GRID1: variants seen among roughly 807,000 people sequenced by gnomAD.
GRID1 encodes the protein glutamate ionotropic receptor delta type subunit 1.
GRID1 carries 28 observed loss-of-function variants against 98.0 expected under a neutral mutation model. That is an observed-to-expected ratio of 0.29 (90% CI 0.21 to 0.39). The LOEUF (loss-of-function observed/expected upper bound fraction) is 0.39, where lower values mean the gene tolerates loss of function less well. GRID1 is among the 10% of genes least tolerant of loss of function. The probability of loss-of-function intolerance (pLI) is 1.00; values close to 1 mark genes in which losing one functional copy is unlikely to be tolerated. For missense variants in GRID1, 1,111 were observed against 1,340.5 expected (o/e 0.83, Z 2.67); for synonymous variants, 553 against 538.5 (o/e 1.03, Z -0.37).
At chr10:86,318,267 C>A (rs1269877099) in intron 2 of GRID1, among the ~76,000 whole-genome samples, 1 of 152,206 alleles carries the variant, frequency 6.6e-6, no homozygotes, top group African/African-American at 2.4e-5. Flanking sequence ...CACAGTGGAC[C>A]CCAGAAGTCA....
intron 13 of GRID1, among the ~76,000 whole-genome samples, chr10:85,632,600 G>T (rs1269412344): frequency 6.6e-6 from 1 of 152,136 alleles, no homozygotes; most frequent in Non-Finnish European, 1.5e-5. Flanking sequence ...ATGGAGTCTT[G>T]CTCTGCTGCC....
intron 4 of GRID1, among the ~76,000 whole-genome samples, chr10:86,118,348 G>A (rs1315752000): frequency 6.6e-6 from 1 of 152,038 alleles, no homozygotes; most frequent in Non-Finnish European, 1.5e-5. Flanking sequence ...GGTGGGGGCT[G>A]GCAAGGAATA....
Position 85,839,364 on chromosome 10 carries a change from T to C in GRID1, c.1233+15132A>G, listed in dbSNP as rs112727754. On this transcript the variant is annotated intron_variant, in intron 8 of 15. Coordinates refer to ENST00000327946, the MANE Select transcript of GRID1 (RefSeq NM_017551.3). The stretch of plus-strand genomic sequence containing the variant: ...TCTTCTCATTGCCACATGGCACATA[T>C]TTTACAATTGATCACATAATCCAAA... Among the ~76,000 whole-genome samples the C allele has an allele frequency of 5.7e-3, 870 of 152,304 alleles. 8 individuals are homozygous for C. Among genetic ancestry groups the C allele is most frequent in the African/African-American group, 0.02 (819 of 41,570 alleles).
intron 5 of GRID1, among the ~76,000 whole-genome samples, chr10:85,876,000 G>C (rs1219957081): frequency 2.0e-5 from 3 of 152,122 alleles, no homozygotes; most frequent in African/African-American, 7.2e-5. Flanking sequence ...TGTTTGCTGG[G>C]AAATGCCTTT....
chr10:85,661,777 T>A (rs1381695999), intron 12 of GRID1, among the ~76,000 whole-genome samples: 2 of 152,190 alleles, frequency 1.3e-5, no homozygotes, highest in Admixed American at 6.5e-5. Context: ...GCACAAAATT[T>A]AGCCACAAAC....
intron 5 of GRID1, among the ~76,000 whole-genome samples, chr10:85,889,490 A>C (rs1354679074): frequency 1.3e-5 from 2 of 152,154 alleles, no homozygotes; most frequent in African/African-American, 4.8e-5. Flanking sequence ...CAGGTTCATA[A>C]ATATTGTCTC....
chr10:86,203,609 G>T (rs958185531), intron 3 of GRID1, among the ~76,000 whole-genome samples: 1 of 151,582 alleles, frequency 6.6e-6, no homozygotes, highest in Admixed American at 6.6e-5. Flanking sequence ...GATGACCAGG[G>T]CAGGCAAAGG....
chr10:85,880,976 A>G (rs1483232664), intron 5 of GRID1, among the ~76,000 whole-genome samples: 1 of 152,212 alleles, frequency 6.6e-6, no homozygotes, highest in African/African-American at 2.4e-5. Context: ...TTATACACCA[A>G]TAACAGACAA....
chr10:86,181,509 A>ACAGT (rs997087039), intron 3 of GRID1, among the ~76,000 whole-genome samples: 1 of 152,226 alleles, frequency 6.6e-6, no homozygotes, highest in African/African-American at 2.4e-5. Context: ...CAAGGAGGAG[A>ACAGT]CAGTCACAGT....
intron 2 of GRID1, among the ~76,000 whole-genome samples, chr10:86,213,843 C>A (rs1471710644): frequency 4.6e-5 from 7 of 152,216 alleles, no homozygotes; most frequent in Admixed American, 3.9e-4. Context: ...TCTGTTCTTC[C>A]CGGTCTCCCA....
At chr10:85,784,810 T>C (rs1391309111) in intron 8 of GRID1, among the ~76,000 whole-genome samples, 1 of 152,224 alleles carries the variant, frequency 6.6e-6, no homozygotes, top group Non-Finnish European at 1.5e-5. Flanking sequence ...CGAAAATAAA[T>C]GAAACATTTG....
At chr10:86,339,774 A>G (rs554103439) in intron 2 of GRID1, among the ~76,000 whole-genome samples, 15 of 152,294 alleles carry the variant, frequency 9.8e-5, no homozygotes, top group Admixed American at 3.9e-4. Flanking sequence ...CCTCCATGCA[A>G]CCTGCATTGA....
intron 12 of GRID1, among the ~76,000 whole-genome samples, chr10:85,651,345 G>A (rs757597681): frequency 6.6e-6 from 1 of 152,186 alleles, no homozygotes; most frequent in Non-Finnish European, 1.5e-5. Context: ...ACACCCAGAT[G>A]GAAGCAAGCA....
chr10:85,733,300 C>T (rs1290972197), intron 8 of GRID1, among the ~76,000 whole-genome samples: 1 of 152,192 alleles, frequency 6.6e-6, no homozygotes, highest in Non-Finnish European at 1.5e-5. Flanking sequence ...TCTTCATAAG[C>T]TGTCTAGAGC....
intron 15 of GRID1, 78 bp downstream of exon 15, chr10:85,613,328 CA>C: frequency 7.0e-7 from 1 of 1,421,882 alleles, no homozygotes; most frequent in Admixed American, 2.4e-5. Context: ...TAACTAGAAA[CA>C]ACCTGCCCTC....
At chr10:86,030,966 C>T (rs116557055) in intron 4 of GRID1, among the ~76,000 whole-genome samples, 1,731 of 152,148 alleles carry the variant, frequency 0.011, 31 homozygotes, top group African/African-American at 0.039. Flanking sequence ...GTGCCTTCTG[C>T]GTGCACTATG....
chr10:86,207,805 T>A (rs953315630), intron 2 of GRID1, among the ~76,000 whole-genome samples: 1 of 152,178 alleles, frequency 6.6e-6, no homozygotes, highest in South Asian at 2.1e-4. Flanking sequence ...CTAATTTTTG[T>A]ATTTTTAGTA....
chr10:86,170,979 T>G (rs995984811), intron 3 of GRID1, among the ~76,000 whole-genome samples: 17 of 152,224 alleles, frequency 1.1e-4, no homozygotes, highest in Admixed American at 2.0e-4. Flanking sequence ...TTTCCCTGCC[T>G]TCAGACCGCC....
intron 4 of GRID1, among the ~76,000 whole-genome samples, chr10:86,016,875 T>C (rs903292666): frequency 2.6e-5 from 4 of 152,198 alleles, no homozygotes; most frequent in Non-Finnish European, 5.9e-5. Flanking sequence ...AGGGGTATTA[T>C]CTCTCACACT....
Sources: gnomAD v4.1 joint callset for allele counts (sites outside exome capture counted in the v4.1 genomes callset) on GRCh38, gnomAD v4.1.1 for gene constraint, MANE v1.5 for transcripts, NCBI Gene and HGNC (gene_info 2026-07-23, HGNC 2026-07-21) for gene names.